The following VSTM2L variants were observed in gnomAD, a reference collection of about 807,000 sequenced individuals.
VSTM2L encodes V-set and transmembrane domain containing 2 like, also known as V-set and transmembrane domain-containing protein 2-like protein.
VSTM2L carries 9 observed loss-of-function variants against 19.9 expected under a neutral mutation model. That is an observed-to-expected ratio of 0.45 (90% confidence interval 0.27 to 0.79). VSTM2L has a LOEUF of 0.79. VSTM2L is among the 30% of genes least tolerant of loss of function. The pLI is 0.15. For synonymous variants in VSTM2L, 127 were observed against 133.8 expected (o/e 0.95, Z 0.35); for missense variants, 286 against 295.5 (o/e 0.97, Z 0.24).
In VSTM2L at chr20:37,945,325, A is replaced by G; in HGVS notation, c.*1072A>G. On this transcript the variant is annotated 3_prime_UTR_variant, in exon 4 of 4. Coordinates refer to ENST00000373461, the MANE Select transcript of VSTM2L (RefSeq NM_080607.3). ...TGATCCAGTCTGTGACTACCAGCCA[A>G]CCTGAATAAAGCGGTTTTAAAAAAA... The G allele has an allele frequency of 4.1e-6, 4 of 967,658 alleles. No homozygotes were observed. Among genetic ancestry groups the G allele is most frequent in the Non-Finnish European group, 4.9e-6 (4 of 813,922 alleles). The allele number at this position is 967,658 out of a possible 1,614,324, so 59.9% of individuals were successfully genotyped here.
chr20:37,913,890 G>C (rs1167884166), intron 1 of VSTM2L, among the ~76,000 whole-genome samples: 1 of 152,254 alleles, frequency 6.6e-6, no homozygotes, highest in Non-Finnish European at 1.5e-5. Context: ...TGAGTGGGGA[G>C]GGCGCACGGC....
At chr20:37,910,146 T>A (rs2072771985) in intron 1 of VSTM2L, among the ~76,000 whole-genome samples, 1 of 152,282 alleles carries the variant, frequency 6.6e-6, no homozygotes, top group Non-Finnish European at 1.5e-5. Flanking sequence ...TTTTAATAGT[T>A]AAGCATTTAT....
chr20:37,944,337 T>C lies in VSTM2L; in HGVS notation c.*84T>C, dbSNP rs2072995054. 7.6e-7 allele frequency: 1 copy of C among 1,319,058 alleles called. No homozygotes were observed. Among genetic ancestry groups the C allele is most frequent in the Non-Finnish European group, 9.8e-7 (1 of 1,016,502 alleles). The allele number at this position is 1,319,058 out of a possible 1,614,324, so 81.7% of individuals were successfully genotyped here. ...GCCGGACCACCGGGGACCGACTGCC[T>C]GCGTCCAGCCGCGCCCCATCCCCGA... is the stretch of plus-strand genomic sequence containing the variant. On this transcript the variant is annotated 3_prime_UTR_variant, in exon 4 of 4. Coordinates refer to ENST00000373461, the MANE Select transcript of VSTM2L (RefSeq NM_080607.3).
chr20:37,930,510 G>A (rs993143349), intron 1 of VSTM2L, among the ~76,000 whole-genome samples: 11 of 152,180 alleles, frequency 7.2e-5, no homozygotes, highest in Non-Finnish European at 8.8e-5. Flanking sequence ...GTTGCCAGGC[G>A]TCTTTCCAGG....
chr20:37,917,506 G>C (rs1044599168), intron 1 of VSTM2L, among the ~76,000 whole-genome samples: 1 of 152,228 alleles, frequency 6.6e-6, no homozygotes, highest in Admixed American at 6.5e-5. Context: ...GCTACACACT[G>C]AAACAGGCTC....
At chr20:37,926,793 C>G (rs372875162) in intron 1 of VSTM2L, among the ~76,000 whole-genome samples, 1 of 152,132 alleles carries the variant, frequency 6.6e-6, no homozygotes, top group Non-Finnish European at 1.5e-5. Context: ...CTGAGCCATG[C>G]GGACATGTGA....
rs530124154 is a variant in VSTM2L at position 37,928,123 on chromosome 20, C to A, written c.122-3512C>A. ...TGTCTTTTGACCAGCCAGGGTCACA[C>A]TGGTGGTCATACCAGATCCAACCAG... On this transcript the variant is annotated intron_variant, in intron 1 of 3. Coordinates refer to ENST00000373461, the MANE Select transcript of VSTM2L (RefSeq NM_080607.3). 4.6e-5 allele frequency among the ~76,000 whole-genome samples: 7 copies of A among 152,326 alleles called. No homozygotes were observed. In the South Asian group the frequency reaches 1.4e-3, roughly 32 times the overall value.
chr20:37,912,293 C>G (rs575756240), intron 1 of VSTM2L, among the ~76,000 whole-genome samples: 82 of 152,346 alleles, frequency 5.4e-4, no homozygotes, highest in Non-Finnish European at 1.0e-3. Flanking sequence ...GCGCTCCTGG[C>G]TTGGTCAGAT....
At chr20:37,915,962 T>C (rs62201727) in intron 1 of VSTM2L, among the ~76,000 whole-genome samples, 43,546 of 152,118 alleles carry the variant, frequency 0.29, 8,473 homozygotes, top group African/African-American at 0.56. Context: ...TCAGCGCCCC[T>C]TACAGCCCTC....
chr20:37,919,995 C>T (rs189733769), intron 1 of VSTM2L, among the ~76,000 whole-genome samples: 3 of 152,272 alleles, frequency 2.0e-5, no homozygotes, highest in East Asian at 3.9e-4. Flanking sequence ...CCTTCAACCC[C>T]GGGGCAGGAG....
chr20:37,931,701 C>T lies in VSTM2L; in HGVS notation c.188C>T (p.Ser63Phe). ...RTGEDVEMACSFRGSGSPSYS... is the reference protein window; with the variant it reads ...RTGEDVEMACFFRGSGSPSYS... Reference sequence around the variant, plus strand: ...GGCGAGGACGTGGAGATGGCCTGCTCCTTCCGCGGCAGCGGCTCCCCCTCC... The same window carrying T: ...GGCGAGGACGTGGAGATGGCCTGCTTCTTCCGCGGCAGCGGCTCCCCCTCC... Residue 63 changes from serine to phenylalanine, a missense_variant, in exon 2 of 4, where the codon TCC (serine) becomes TTC (phenylalanine). Transcript: ENST00000373461. The T allele has an allele frequency of 6.2e-7, 1 of 1,613,730 alleles. No individual in the cohort carries two copies. Among genetic ancestry groups the T allele is most frequent in the Non-Finnish European group, 8.5e-7 (1 of 1,180,026 alleles).
At chr20:37,936,334 T>C (rs1186370004) in intron 3 of VSTM2L, among the ~76,000 whole-genome samples, 1 of 152,188 alleles carries the variant, frequency 6.6e-6, no homozygotes, top group Non-Finnish European at 1.5e-5. Flanking sequence ...CTAGGCCCCA[T>C]ATTCCCATGA....
At chr20:37,931,562 T>G in intron 1 of VSTM2L, 73 bp from the exon 2 acceptor site, 1 of 1,456,236 alleles carries the variant, frequency 6.9e-7, no homozygotes, top group Non-Finnish European at 9.3e-7. Flanking sequence ...TGTTCCTACG[T>G]TCTCCACCTC....
rs1429965617 is a variant in VSTM2L at position 37,944,941 on chromosome 20, T to C, written c.*688T>C. ...CGGCGAGTCAGAAGGGAGGGGCCTT[T>C]CCCTCGGACCCATGGCCCCAGGCAG... On this transcript the variant is annotated 3_prime_UTR_variant, in exon 4 of 4. Coordinates refer to ENST00000373461, the MANE Select transcript of VSTM2L (RefSeq NM_080607.3). 2.0e-6 allele frequency: 2 copies of C among 985,816 alleles called. No homozygotes were observed. Among genetic ancestry groups the C allele is most frequent in the East Asian group, 2.3e-4 (2 of 8,768 alleles). The allele number at this position is 985,816 out of a possible 1,614,324, so 61.1% of individuals were successfully genotyped here.
At chr20:37,905,958 G>A (rs891533636) in intron 1 of VSTM2L, among the ~76,000 whole-genome samples, 2 of 151,912 alleles carry the variant, frequency 1.3e-5, no homozygotes, top group African/African-American at 4.8e-5. Context: ...TTAGCAGATT[G>A]GGGCCTGATC....
intron 3 of VSTM2L, among the ~76,000 whole-genome samples, chr20:37,934,665 G>A (rs1047554095): frequency 5.3e-5 from 8 of 152,176 alleles, no homozygotes; most frequent in African/African-American, 1.4e-4. Context: ...TGACAGGGAT[G>A]AGCAGAGGAG....
intron 1 of VSTM2L, among the ~76,000 whole-genome samples, chr20:37,921,489 T>G (rs1490574726): frequency 6.6e-6 from 1 of 152,176 alleles, no homozygotes; most frequent in Non-Finnish European, 1.5e-5. Context: ...AGCAGAGTGT[T>G]CCCTGAGCAT....
At position 37,944,551 on chromosome 20, in the gene VSTM2L, C is replaced by A; in HGVS notation, c.*298C>A. Reference sequence around the variant, plus strand: ...GCTGGGGCCCGGGGCCACCCCCTTCCTGTCACCAGCTTCTGTGGAGTCCAG... The same window carrying A: ...GCTGGGGCCCGGGGCCACCCCCTTCATGTCACCAGCTTCTGTGGAGTCCAG... On this transcript the variant is annotated 3_prime_UTR_variant, in exon 4 of 4. Transcript: ENST00000373461. 1 of 1,175,182 alleles carries A rather than the reference C, an allele frequency of 8.5e-7. No homozygotes were observed. The highest frequency in any genetic ancestry group is 3.4e-4 in the Middle Eastern group (1 of 2,946). 72.8% of individuals were successfully genotyped at this position (1,175,182 alleles called of 1,614,324 possible).
intron 1 of VSTM2L, among the ~76,000 whole-genome samples, chr20:37,913,314 C>G (rs1259130071): frequency 6.6e-6 from 1 of 152,210 alleles, no homozygotes; most frequent in Non-Finnish European, 1.5e-5. Context: ...AAGCCTGTCT[C>G]TGGCCCCAGG....
Sources: gnomAD v4.1 joint callset for allele counts (sites outside exome capture counted in the v4.1 genomes callset) on GRCh38, gnomAD v4.1.1 for gene constraint, MANE v1.5 for transcripts, NCBI Gene and HGNC (gene_info 2026-07-23, HGNC 2026-07-21) for gene names.